The following TOM1 variants were observed in gnomAD, a reference collection of about 807,000 sequenced individuals.
The protein encoded by TOM1 is target of Myb protein 1.
Under a neutral mutation model 61.3 loss-of-function variants are expected in TOM1, and 38 were observed. The ratio of observed to expected loss-of-function variants is 0.62; its 90% CI spans 0.48 to 0.81. The LOEUF (loss-of-function observed/expected upper bound fraction) is 0.81. Ranked by LOEUF, TOM1 falls within the 40% of genes least tolerant of loss-of-function variation. TOM1 has a pLI of 0.00. For synonymous variants in TOM1, 270 were observed against 268.8 expected (o/e 1.00, Z -0.04); for missense variants, 591 against 659.6 (o/e 0.90, Z 1.14).
rs1381866529 is a variant in TOM1, at chr22:35,323,474, G to GTGTCCCCT, written c.367-13_367-6dup. ...CACAGGTGAGCTGTGGTTACCGGCT[G>GTGTCCCCT]TGTCCCCTTGTCCCCTCTCAGTCCT... On this transcript the variant is annotated intron_variant, in intron 4 of 14. Transcript: ENST00000449058. This position sits in a 1 kb window ranked among gnomAD's most constrained non-coding sequence, Gnocchi z 4.2. 1.2e-6 allele frequency: 2 copies of GTGTCCCCT among 1,612,960 alleles called. No individual in the cohort carries two copies. Among genetic ancestry groups the GTGTCCCCT allele is most frequent in the Admixed American group, 1.7e-5 (1 of 59,932 alleles).
Position 35,315,645 on chromosome 22 carries a change from GGCATGTGTCCTGGGCCACCCTGGC to G in TOM1, c.53-2231_53-2208del, listed in dbSNP as rs1254324315. 2.6e-5 allele frequency among the ~76,000 whole-genome samples: 4 copies of G among 152,340 alleles called. No homozygotes were observed. In the South Asian group the frequency reaches 8.3e-4, roughly 32 times the overall value. ...CAACCGCCCTCTGCCTCAGCCGCCT[GGCATGTGTCCTGGGCCACCCTGGC>G]ATCCGTCTGGCTCAGGACCTGAGGG... On this transcript the variant is annotated intron_variant, in intron 1 of 14. Coordinates refer to ENST00000449058, the MANE Select transcript of TOM1 (RefSeq NM_005488.3).
chr22:35,319,212 G>A (rs1053738083), intron 2 of TOM1, among the ~76,000 whole-genome samples: 1 of 152,164 alleles, frequency 6.6e-6, no homozygotes, highest in South Asian at 2.1e-4. Context: ...GCAAGTCACT[G>A]CAGTATCCTT....
chr22:35,333,610 C>A, intron 10 of TOM1, 113 bp downstream of exon 10: 1 of 956,294 alleles, frequency 1.0e-6, no homozygotes, highest in Non-Finnish European at 1.6e-6. Context: ...CAGTCTGGAC[C>A]CCACCTTGCT....
chr22:35,313,486 T>TA, intron 1 of TOM1, among the ~76,000 whole-genome samples: 1 of 152,360 alleles, frequency 6.6e-6, no homozygotes, highest in Middle Eastern at 3.4e-3. Flanking sequence ...TACTCATTGC[T>TA]AGCCTTTCCT....
At chr22:35,312,285 T>C (rs1926909147) in intron 1 of TOM1, among the ~76,000 whole-genome samples, 2 of 150,508 alleles carry the variant, frequency 1.3e-5, no homozygotes, top group African/African-American at 4.9e-5. Flanking sequence ...GGAGTTCAGC[T>C]GACTCATTCC....
intron 12 of TOM1, among the ~76,000 whole-genome samples, chr22:35,339,054 G>A (rs1929643232): frequency 1.3e-5 from 2 of 152,174 alleles, no homozygotes; most frequent in South Asian, 4.1e-4. Flanking sequence ...GACCAGGCCG[G>A]GCGTGGTGGC....
chr22:35,332,146 G>A (rs547539810), intron 8 of TOM1, among the ~76,000 whole-genome samples: 27 of 152,230 alleles, frequency 1.8e-4, no homozygotes, highest in Non-Finnish European at 3.7e-4. Flanking sequence ...AGTGGAAAGT[G>A]GGGGGTACCC....
At chr22:35,322,084 A>G in intron 3 of TOM1, 47 bp downstream of exon 3, 1 of 1,568,960 alleles carries the variant, frequency 6.4e-7, no homozygotes, top group Non-Finnish European at 8.8e-7. Context: ...CGGTCCACTG[A>G]AAGTCACCTC....
At chr22:35,338,637 GC>G in intron 11 of TOM1, 75 bp from the exon 12 acceptor site, 4 of 1,237,372 alleles carry the variant, frequency 3.2e-6, no homozygotes, top group African/African-American at 1.6e-5. Context: ...GTCAATCTGT[GC>G]CCCCCAGCCC....
At chr22:35,312,455 G>A (rs1926918932) in intron 1 of TOM1, among the ~76,000 whole-genome samples, 2 of 152,330 alleles carry the variant, frequency 1.3e-5, no homozygotes, top group South Asian at 4.1e-4. Context: ...CTGTAGCCTG[G>A]ACAGGTGTTG....
At chr22:35,327,447 A>C in intron 7 of TOM1, 60 bp downstream of exon 7, 6 of 1,179,010 alleles carry the variant, frequency 5.1e-6, no homozygotes, top group Non-Finnish European at 7.5e-6. Flanking sequence ...GCCCACATGC[A>C]TTCTTTCCCA....
intron 11 of TOM1, 136 bp from the exon 12 acceptor site, chr22:35,338,577 G>C (rs1929585724): frequency 1.6e-6 from 1 of 629,712 alleles, no homozygotes. Context: ...CCAGAGGCAG[G>C]AAATGAGACC....
intron 1 of TOM1, 59 bp from the exon 2 acceptor site, chr22:35,317,818 G>A: frequency 7.3e-7 from 1 of 1,369,964 alleles, no homozygotes. Flanking sequence ...CCCACCCACG[G>A]TTTGAGTTTA....
intron 1 of TOM1, among the ~76,000 whole-genome samples, chr22:35,310,263 A>G (rs185826444): frequency 6.6e-6 from 1 of 152,188 alleles, no homozygotes; most frequent in African/African-American, 2.4e-5. Context: ...GGTACTTTTT[A>G]AAAGTATTCA....
chr22:35,334,549 AC>A, intron 11 of TOM1, 101 bp downstream of exon 11: 1 of 1,447,338 alleles, frequency 6.9e-7, no homozygotes, highest in Non-Finnish European at 9.6e-7. Context: ...GGGCACACGG[AC>A]CCTGCTTAGT....
chr22:35,324,416 A>G (rs1251955283), intron 6 of TOM1, among the ~76,000 whole-genome samples: 1 of 151,040 alleles, frequency 6.6e-6, no homozygotes, highest in Non-Finnish European at 1.5e-5. Context: ...CTGTTTCAAA[A>G]AAAAAAAAAA....
chr22:35,328,713 T>C (rs975646218), intron 7 of TOM1, among the ~76,000 whole-genome samples: 4 of 152,096 alleles, frequency 2.6e-5, no homozygotes, highest in Non-Finnish European at 5.9e-5. Context: ...GGCCTGACCT[T>C]GGAGGGGGCA....
chr22:35,322,448 A>G (rs1242298997), intron 3 of TOM1: 3 of 210,680 alleles, frequency 1.4e-5, no homozygotes, highest in Non-Finnish European at 2.9e-5. Context: ...AGTCTTGCCC[A>G]CACCACTGAA....
At chr22:35,318,645 C>T (rs528067636) in intron 2 of TOM1, among the ~76,000 whole-genome samples, 32 of 152,308 alleles carry the variant, frequency 2.1e-4, no homozygotes, top group Admixed American at 1.6e-3. Flanking sequence ...TCTTTGTCCT[C>T]GAAGGTGCTC....
Sources: allele counts gnomAD v4.1 joint callset (sites outside exome capture counted in the v4.1 genomes callset), GRCh38; gene constraint gnomAD v4.1.1; non-coding constraint Gnocchi (gnomAD v3.1); transcripts MANE v1.5; gene names NCBI Gene and HGNC (gene_info 2026-07-23, HGNC 2026-07-21).